Variants in CNTNAP1 observed in about 807,000 individuals in gnomAD.
CNTNAP1 encodes contactin associated protein 1.
In CNTNAP1, 80 loss-of-function variants were observed where a neutral mutation model predicts 161.5. The ratio of observed to expected loss-of-function variants is 0.50; its 90% confidence interval spans 0.41 to 0.60. CNTNAP1 has a LOEUF of 0.60. CNTNAP1 is among the 20% of genes least tolerant of loss of function. The probability of loss-of-function intolerance (pLI) is 0.00; values close to 1 mark genes in which losing one functional copy is unlikely to be tolerated. For synonymous variants in CNTNAP1, 695 were observed against 733.1 expected (o/e 0.95, Z 0.84); for missense variants, 1,464 against 1,854.8 (o/e 0.79, Z 3.87).
Position 42,687,132 on chromosome 17 carries a change from C to A in CNTNAP1, c.1044+86C>A. 1.3e-6 allele frequency: 2 copies of A among 1,525,240 alleles called. No homozygotes were observed. The highest frequency in any genetic ancestry group is 1.2e-5 in the South Asian group (1 of 82,488). 94.5% of individuals were successfully genotyped at this position (1,525,240 alleles called of 1,614,324 possible). A position where few individuals can be genotyped will look rare whatever the true frequency, so the allele number is the denominator to read the frequency against. On this transcript the variant is annotated intron_variant, in intron 7 of 23. Coordinates refer to ENST00000264638, the MANE Select transcript of CNTNAP1 (RefSeq NM_003632.3). The surrounding 1 kb of genome is among the most constrained non-coding windows in gnomAD (Gnocchi z 4.7). ...TGGAGCGGGAAGAGATATTGAACAT[C>A]AGATAAAAGCGGAGAATCCCTCTGT...
At chr17:42,683,640 C>T in intron 1 of CNTNAP1, 181 bp from the exon 2 acceptor site, 1 of 1,432,506 alleles carries the variant, frequency 7.0e-7, no homozygotes, top group Non-Finnish European at 9.1e-7. Flanking sequence ...GTAGCCTCCT[C>T]TGAGCATGCA....
rs2053087207 is a variant in CNTNAP1, at chr17:42,691,602, G to T, written c.2344+91G>T. The T allele has an allele frequency of 1.3e-6, 2 of 1,561,994 alleles. No homozygotes were observed. The highest frequency in any genetic ancestry group is 2.7e-5 in the African/African-American group (2 of 73,618). On this transcript the variant is annotated intron_variant, in intron 15 of 23. Transcript: ENST00000264638. This position sits in a 1 kb window ranked among gnomAD's most constrained non-coding sequence, Gnocchi z 4.3. ...GCATGTCACTGGTGGTCTCTAGCTG[G>T]GGTGCCCGACCCCCAGCTCCTGCTG...
At chr17:42,695,135 T>C (rs908245145) in intron 18 of CNTNAP1, among the ~76,000 whole-genome samples, 1 of 152,106 alleles carries the variant, frequency 6.6e-6, no homozygotes, top group Non-Finnish European at 1.5e-5. Context: ...TTAGTAGAGA[T>C]GGGGTTTTGC....
At chr17:42,686,483 T>TGTTTGTTTG (rs1343290499) in intron 6 of CNTNAP1, among the ~76,000 whole-genome samples, 1 of 129,582 alleles carries the variant, frequency 7.7e-6, no homozygotes, top group African/African-American at 4.1e-5. Flanking sequence ...TTTTTTTTTT[T>TGTTTGTTTG]TTTTTTTTTT....
In CNTNAP1 at chr17:42,699,873, A is replaced by C. The variant is rs1207411105; in HGVS notation, c.*963A>C. ...TGTAGTTTGCCTTTCCTGTGTTGGA[A>C]GTGTCGTGAGTCCTGCTGGTCACCC... On this transcript the variant is annotated 3_prime_UTR_variant, in exon 24 of 24. Coordinates refer to ENST00000264638, the MANE Select transcript of CNTNAP1 (RefSeq NM_003632.3). 2.6e-5 allele frequency: 4 copies of C among 152,744 alleles called. No individual in the cohort carries two copies. The highest frequency in any genetic ancestry group is 5.9e-5 in the Non-Finnish European group (4 of 68,044). 9.5% of individuals were successfully genotyped at this position (152,744 alleles called of 1,614,324 possible). A position where few individuals can be genotyped will look rare whatever the true frequency, so the allele number is the denominator to read the frequency against.
chr17:42,692,862 C>A, intron 17 of CNTNAP1, 142 bp downstream of exon 17: 1 of 696,494 alleles, frequency 1.4e-6, no homozygotes, highest in Non-Finnish European at 2.3e-6. Flanking sequence ...CTTGTCCCTC[C>A]AGGCCTTTGT....
chr17:42,688,551 G>A lies in CNTNAP1; in HGVS notation c.1396G>A (p.Ala466Thr). The A allele has an allele frequency of 6.2e-7, 1 of 1,614,216 alleles. No homozygotes were observed. Among genetic ancestry groups the A allele is most frequent in the Non-Finnish European group, 8.5e-7 (1 of 1,180,040 alleles). Residue 466 changes from alanine (A) to threonine (T), a missense_variant, in exon 9 of 24, where the codon GCA becomes ACA. Physicochemically the swap from Ala to Thr is moderately conservative, Grantham distance 58. Transcript: ENST00000264638. The part of the protein sequence containing the change: ...AVISIDDVEG[A>T]EVRVSYPLLI... The stretch of plus-strand genomic sequence containing the variant: ...TATCAGCATTGATGATGTGGAAGGG[G>A]CAGAGGTCAGGGTCTCATACCCGTT...
chr17:42,686,943 T>C lies in CNTNAP1; in HGVS notation c.941T>C (p.Leu314Pro). ...GGLVGAARKN[L>P]AYRHNFRGCI... Reference sequence around the variant, plus strand: ...CTGGTGGGCGCCGCGCGGAAGAACCTGGCCTATCGGCATAACTTCCGCGGC... The same window carrying C: ...CTGGTGGGCGCCGCGCGGAAGAACCCGGCCTATCGGCATAACTTCCGCGGC... The change falls in exon 7 of 24, where the codon CTG becomes CCG. Residue 314 changes from leucine (L) to proline (P), a missense_variant. Leu to Pro is a moderately conservative substitution (Grantham distance 98). Around this residue, in one of 3 missense-constraint regions of CNTNAP1, gnomAD observed 1,383 missense variants for 1,765.0 expected, o/e 0.78. Transcript: ENST00000264638. The C allele has an allele frequency of 6.2e-7, 1 of 1,613,510 alleles. No individual in the cohort carries two copies. Among genetic ancestry groups the C allele is most frequent in the Non-Finnish European group, 8.5e-7 (1 of 1,179,650 alleles).
chr17:42,697,724 G>C lies in CNTNAP1; in HGVS notation c.3739G>C (p.Glu1247Gln). 6.2e-7 allele frequency: 1 copy of C among 1,614,160 alleles called. No individual in the cohort carries two copies. Among genetic ancestry groups the C allele is most frequent in the South Asian group, 1.1e-5 (1 of 91,074 alleles). Reference protein sequence around the residue: ...EALRVQGELSESNCGAMPRLV... With the variant: ...EALRVQGELSQSNCGAMPRLV... ...CCTTCGAGTTCAGGGAGAACTGTCC[G>C]AATCTAATTGCGGAGCTATGCCACG... The change falls in exon 22 of 24, where the codon GAA (glutamate) becomes CAA (glutamine). Residue 1247 changes from glutamate (E) to glutamine (Q), a missense_variant. By Grantham distance (29) the Glu-to-Gln change is conservative. Coordinates refer to ENST00000264638, the MANE Select transcript of CNTNAP1 (RefSeq NM_003632.3).
chr17:42,686,203 C>A, intron 6 of CNTNAP1, 62 bp downstream of exon 6: 4 of 1,519,578 alleles, frequency 2.6e-6, no homozygotes, highest in South Asian at 2.3e-5. Flanking sequence ...GAGTGCAGGT[C>A]GGTCTCTCCC....
At chr17:42,692,246 C>T (rs1219536996) in intron 16 of CNTNAP1, among the ~76,000 whole-genome samples, 2 of 152,200 alleles carry the variant, frequency 1.3e-5, no homozygotes, top group East Asian at 1.9e-4. Flanking sequence ...TCCCTCTCAC[C>T]GCTGATTAGC....
At chr17:42,684,319 G>C in intron 3 of CNTNAP1, 90 bp downstream of exon 3, 1 of 1,290,996 alleles carries the variant, frequency 7.7e-7, no homozygotes, top group Non-Finnish European at 1.1e-6. Context: ...AATGGAGGGG[G>C]TGGTGGTGAG....
Position 42,685,264 on chromosome 17 carries a change from T to A in CNTNAP1, c.559T>A (p.Phe187Ile). Reference protein sequence around the residue: ...FDGDDAISYRFPRGVSRSLWD... With the variant: ...FDGDDAISYRIPRGVSRSLWD... ...CGGCGACGATGCCATCTCCTACCGCTTCCCGCGAGGGGTCAGCCGAAGCCT... is the reference window on the plus strand; with the variant it reads ...CGGCGACGATGCCATCTCCTACCGCATCCCGCGAGGGGTCAGCCGAAGCCT... The change falls in exon 5 of 24, where the codon TTC becomes ATC. Residue 187 changes from phenylalanine to isoleucine, a missense_variant. Physicochemically the swap from Phe to Ile is conservative, Grantham distance 21 (BLOSUM62 0). This residue lies in a region of CNTNAP1 where 1,383 missense variants were observed against 1,765.0 expected (regional missense o/e 0.78). Transcript: ENST00000264638. The surrounding 1 kb of genome is among the most constrained non-coding windows in gnomAD (Gnocchi z 5.0). 4 of 1,613,852 alleles carry A rather than the reference T, an allele frequency of 2.5e-6. No homozygotes were observed. The highest frequency in any genetic ancestry group is 3.4e-6 in the Non-Finnish European group (4 of 1,180,036).
intron 20 of CNTNAP1, among the ~76,000 whole-genome samples, chr17:42,697,006 T>C (rs1476144951): frequency 6.6e-6 from 1 of 152,060 alleles, no homozygotes; most frequent in Non-Finnish European, 1.5e-5. Context: ...AGACCTCATC[T>C]TCACAAAGAA....
chr17:42,683,025 T>G, intron 1 of CNTNAP1, 129 bp downstream of exon 1: 1 of 866,314 alleles, frequency 1.2e-6, no homozygotes, highest in South Asian at 1.7e-5. Context: ...CTGGCTCTCA[T>G]CTTTTCCTGC....
In CNTNAP1 at chr17:42,683,277, T is replaced by C. The variant is rs907423605; in HGVS notation, c.67+381T>C. ...GGAGCTGGCCAAGGGGTGGGGTTTGTGGCTAGGGCTGGGGTTTGTGGCTGG... is the reference window on the plus strand; with the variant it reads ...GGAGCTGGCCAAGGGGTGGGGTTTGCGGCTAGGGCTGGGGTTTGTGGCTGG... On this transcript the variant is annotated intron_variant, in intron 1 of 23. Coordinates refer to ENST00000264638, the MANE Select transcript of CNTNAP1 (RefSeq NM_003632.3). 5.6e-5 allele frequency: 51 copies of C among 904,268 alleles called. No individual in the cohort carries two copies. The South Asian group carries it at 1.3e-3, about 23-fold the overall frequency. The allele number at this position is 904,268 out of a possible 1,614,324, so 56.0% of individuals were successfully genotyped here.
rs971683099 is a variant in CNTNAP1 at position 42,685,441 on chromosome 17, C to A, written c.715+21C>A. On this transcript the variant is annotated intron_variant, in intron 5 of 23. Coordinates refer to ENST00000264638, the MANE Select transcript of CNTNAP1 (RefSeq NM_003632.3). This position sits in a 1 kb window ranked among gnomAD's most constrained non-coding sequence, Gnocchi z 5.0. ...CCTGGGTGAGCTCGGCGACCATGTG[C>A]GATGCGGAGCCAACCCCTGAAGCTC... is the stretch of plus-strand genomic sequence containing the variant. 6.3e-7 allele frequency: 1 copy of A among 1,589,364 alleles called. No homozygotes were observed. The highest frequency in any genetic ancestry group is 8.5e-7 in the Non-Finnish European group (1 of 1,172,886).
intron 1 of CNTNAP1, 78 bp downstream of exon 1, chr17:42,682,974 G>C: frequency 7.3e-7 from 1 of 1,362,652 alleles, no homozygotes; most frequent in Non-Finnish European, 9.9e-7. Flanking sequence ...ACCGCATTGC[G>C]GCTGGGTGGT....
chr17:42,686,118 G>C lies in CNTNAP1; in HGVS notation c.877G>C (p.Glu293Gln), dbSNP rs1230939534. ...GCGCTTTATTCTCAATGGAGACTTC[G>C]AGAGGCTGAACCTGGACACTGAGGT... ...VQRFILNGDF[E>Q]RLNLDTEMFI... is the part of the protein sequence containing the mutation. Residue 293 changes from glutamate to glutamine, a missense_variant, in exon 6 of 24, where the codon GAG (glutamate) becomes CAG (glutamine). Physicochemically the swap from Glu to Gln is conservative, Grantham distance 29 (BLOSUM62 2). Around this residue, in one of 3 missense-constraint regions of CNTNAP1, gnomAD observed 1,383 missense variants for 1,765.0 expected, o/e 0.78. Transcript: ENST00000264638. 2 of 1,614,188 alleles carry C rather than the reference G, an allele frequency of 1.2e-6. No homozygotes were observed. Among genetic ancestry groups the C allele is most frequent in the Non-Finnish European group, 1.7e-6 (2 of 1,180,042 alleles).
Sources: allele counts gnomAD v4.1 joint callset (sites outside exome capture counted in the v4.1 genomes callset), GRCh38; gene constraint gnomAD v4.1.1; regional missense constraint gnomAD v4.1.1; non-coding constraint Gnocchi (gnomAD v3.1); transcripts MANE v1.5; gene names NCBI Gene and HGNC (gene_info 2026-07-23, HGNC 2026-07-21).